Variants in FZR1 observed in about 807,000 individuals in gnomAD.
FZR1 encodes fizzy-related protein homolog.
In FZR1, 11 loss-of-function variants were observed where a neutral mutation model predicts 63.6. That is an observed-to-expected ratio of 0.17 (90% CI 0.11 to 0.29). The LOEUF (loss-of-function observed/expected upper bound fraction) is 0.29, where lower values mean the gene tolerates loss of function less well. Among genes scored for constraint, FZR1 ranks in the 10% least tolerant of loss-of-function variants. FZR1 has a pLI of 1.00. For missense variants in FZR1, 440 were observed against 687.5 expected (o/e 0.64, Z 4.03); for synonymous variants, 328 against 297.9 (o/e 1.10, Z -1.04).
Position 3,525,432 on chromosome 19 carries a change from C to CTTTTTTTTTTTTT in FZR1, c.70-420_70-408dup, listed in dbSNP as rs57486013. 1.5e-4 allele frequency among the ~76,000 whole-genome samples: 10 copies of CTTTTTTTTTTTTT among 68,742 alleles called. No individual in the cohort carries two copies. The highest frequency in any genetic ancestry group is 6.0e-4 in the African/African-American group (10 of 16,546). The allele number at this position is 68,742 out of a possible 152,430, so 45.1% of individuals were successfully genotyped here. A position where few individuals can be genotyped will look rare whatever the true frequency, so the allele number is the denominator to read the frequency against. On this transcript the variant is annotated intron_variant, in intron 2 of 13. Coordinates refer to ENST00000441788, the MANE Select transcript of FZR1 (RefSeq NM_016263.4). This position sits in a 1 kb window ranked among gnomAD's most constrained non-coding sequence, Gnocchi z 4.2. Reference sequence around the variant, plus strand: ...TGTGTGGCTCCCCTCCTTGGGTTTTCTTTTTTTTTTTTTTTTTTTTTTTTT... The same window carrying CTTTTTTTTTTTTT: ...TGTGTGGCTCCCCTCCTTGGGTTTTCTTTTTTTTTTTTTTTTTTTTTTTTTTTTTTTTTTTTTT...
Position 3,526,994 on chromosome 19 carries a change from C to T in FZR1, c.402C>T (p.Thr134=), listed in dbSNP as rs771104959. Residue 134 remains threonine, a synonymous_variant, in exon 6 of 14, where the codon ACC becomes ACT. Coordinates refer to ENST00000441788, the MANE Select transcript of FZR1 (RefSeq NM_016263.4). The surrounding 1 kb of genome is among the most constrained non-coding windows in gnomAD (Gnocchi z 5.4). ...KKGLFTYSLS[T]KRSSPDDGND... The stretch of plus-strand genomic sequence containing the variant: ...CCGCTCCACAGTATTCCCTTAGCAC[C>T]AAGCGCTCCAGCCCCGATGACGGCA... 1 of 1,611,870 alleles carries T rather than the reference C, an allele frequency of 6.2e-7. No individual in the cohort carries two copies. Among genetic ancestry groups the T allele is most frequent in the East Asian group, 2.2e-5 (1 of 44,870 alleles).
Position 3,526,878 on chromosome 19 carries a change from GCCTT to G in FZR1, c.388-101_388-98del. On this transcript the variant is annotated intron_variant, in intron 5 of 13. Coordinates refer to ENST00000441788, the MANE Select transcript of FZR1 (RefSeq NM_016263.4). The surrounding 1 kb of genome is among the most constrained non-coding windows in gnomAD (Gnocchi z 5.4). ...TGCTCCACACAGGGTCTCAGCACCT[GCCTT>G]AGGGCTATGAGCTGTACCGGGAGCG... 1 of 825,930 alleles carries G rather than the reference GCCTT, an allele frequency of 1.2e-6. No individual in the cohort carries two copies. The highest frequency in any genetic ancestry group is 1.7e-5 in the African/African-American group (1 of 60,096). The allele number at this position is 825,930 out of a possible 1,614,324, so 51.2% of individuals were successfully genotyped here.
At chr19:3,513,611 G>A (rs1264858910) in intron 1 of FZR1, among the ~76,000 whole-genome samples, 2 of 152,214 alleles carry the variant, frequency 1.3e-5, no homozygotes, top group Non-Finnish European at 2.9e-5. Flanking sequence ...CCAGCTGGTA[G>A]GCACGGGCAA....
intron 12 of FZR1, chr19:3,534,136 C>T: frequency 3.2e-6 from 1 of 315,170 alleles, no homozygotes; most frequent in Non-Finnish European, 5.9e-6. Flanking sequence ...GGGAGGATCA[C>T]CTGAGCCCAG....
At position 3,522,943 on chromosome 19, in the gene FZR1, CT is replaced by C; in HGVS notation, c.-34-11del. 7.1e-7 allele frequency: 1 copy of C among 1,406,264 alleles called. No individual in the cohort carries two copies. The highest frequency in any genetic ancestry group is 1.0e-6 in the Non-Finnish European group (1 of 991,518). 87.1% of individuals were successfully genotyped at this position (1,406,264 alleles called of 1,614,324 possible). A position where few individuals can be genotyped will look rare whatever the true frequency, so the allele number is the denominator to read the frequency against. On this transcript the variant is annotated splice_polypyrimidine_tract_variant and intron_variant, in intron 1 of 13. Transcript: ENST00000441788. ...CCCTGCCCCACTCACCTCTCCTGCC[CT>C]TCCCGCTGCAGGCTAACCTTGCCGC...
rs2083041866 is a variant in FZR1, at chr19:3,514,111, T to G, written c.-35+7637T>G. 6.6e-6 allele frequency among the ~76,000 whole-genome samples: 1 copy of G among 152,088 alleles called. No individual in the cohort carries two copies. Among genetic ancestry groups the G allele is most frequent in the South Asian group, 2.1e-4 (1 of 4,828 alleles). The stretch of plus-strand genomic sequence containing the variant: ...CTTGGGGGCTTTGCATTGGTGCTGT[T>G]CCCAGGCCCTGTCTACACGGCAGAC... On this transcript the variant is annotated intron_variant, in intron 1 of 13. Coordinates refer to ENST00000441788, the MANE Select transcript of FZR1 (RefSeq NM_016263.4). This position sits in a 1 kb window ranked among gnomAD's most constrained non-coding sequence, Gnocchi z 4.2.
chr19:3,525,852 T>C lies in FZR1; in HGVS notation c.70-16T>C, dbSNP rs1049817236. 1 of 1,609,220 alleles carries C rather than the reference T, an allele frequency of 6.2e-7. No homozygotes were observed. The highest frequency in any genetic ancestry group is 8.5e-7 in the Non-Finnish European group (1 of 1,179,662). ...CTCTCGGTGCTGAGAGCAAGCCCTC[T>C]GCTGATGCCCTTCAGGTCACAGAGA... On this transcript the variant is annotated splice_polypyrimidine_tract_variant and intron_variant, in intron 2 of 13. Transcript: ENST00000441788. This position sits in a 1 kb window ranked among gnomAD's most constrained non-coding sequence, Gnocchi z 4.2.
At position 3,537,078 on chromosome 19, in the gene FZR1, A is replaced by AC. The variant is rs1184165481; in HGVS notation, c.*2247dup. 1.3e-5 allele frequency: 2 copies of AC among 152,260 alleles called. No homozygotes were observed. Among genetic ancestry groups the AC allele is most frequent in the Non-Finnish European group, 2.9e-5 (2 of 68,132 alleles). The allele number at this position is 152,260 out of a possible 1,614,324, so 9.4% of individuals were successfully genotyped here. On this transcript the variant is annotated 3_prime_UTR_variant, in exon 14 of 14. Transcript: ENST00000441788. The stretch of plus-strand genomic sequence containing the variant: ...GGGTGGGCACTGCTGGGCTGAGTTC[A>AC]CCCCCAGGGCTGGCCAGATGGGGCC...
chr19:3,529,099 T>TGAGCGGATGGGAGAGCGGATGGGA (rs1211015129), intron 7 of FZR1, among the ~76,000 whole-genome samples: 4 of 46,586 alleles, frequency 8.6e-5, no homozygotes, highest in Non-Finnish European at 1.6e-4. Flanking sequence ...AGCAGACGGT[T>TGAGCGGATGGGAGAGCGGATGGGA]GAGCGGATGG....
At chr19:3,517,773 T>C (rs556419689) in intron 1 of FZR1, among the ~76,000 whole-genome samples, 2 of 152,116 alleles carry the variant, frequency 1.3e-5, no homozygotes, top group East Asian at 1.9e-4. Flanking sequence ...TGGAAATGAA[T>C]TGCATCACCA....
intron 10 of FZR1, 89 bp from the exon 11 acceptor site, chr19:3,532,328 G>A: frequency 9.7e-7 from 1 of 1,031,706 alleles, no homozygotes; most frequent in Non-Finnish European, 1.4e-6. Context: ...GTGGGGTGGG[G>A]TGCCAGGGCA....
rs142885173 is a variant in FZR1 at position 3,526,161 on chromosome 19, C to T, written c.237C>T (p.Asp79=). 49 of 1,612,800 alleles carry T rather than the reference C, an allele frequency of 3.0e-5. No individual in the cohort carries two copies. The highest frequency in any genetic ancestry group is 9.3e-5 in the African/African-American group (7 of 74,920). The stretch of plus-strand genomic sequence containing the variant: ...CCAGTCAGAACCGGAAAGCCAAGGA[C>T]GCCACCTCAGACAACGGCAAAGGTT... ...KSPSQNRKAK[D]ATSDNGKDGL... Residue 79 remains aspartate (D), a synonymous_variant, in exon 4 of 14, where the codon GAC becomes GAT. Coordinates refer to ENST00000441788, the MANE Select transcript of FZR1 (RefSeq NM_016263.4). This position sits in a 1 kb window ranked among gnomAD's most constrained non-coding sequence, Gnocchi z 5.4.
chr19:3,518,707 G>A (rs1257462721), intron 1 of FZR1, among the ~76,000 whole-genome samples: 1 of 152,292 alleles, frequency 6.6e-6, no homozygotes, highest in Non-Finnish European at 1.5e-5. Flanking sequence ...TTTTACAAAT[G>A]TACTTCCTTT....
chr19:3,511,910 G>C (rs1383166561), intron 1 of FZR1, among the ~76,000 whole-genome samples: 1 of 152,186 alleles, frequency 6.6e-6, no homozygotes, highest in Non-Finnish European at 1.5e-5. Flanking sequence ...TTCTTCTGCA[G>C]GTGGGGGTTG....
intron 7 of FZR1, 79 bp downstream of exon 7, chr19:3,527,893 A>G (rs942028267): frequency 8.5e-7 from 1 of 1,175,682 alleles, no homozygotes. Context: ...ACCGGGATCC[A>G]GGGAGCATCA....
intron 7 of FZR1, among the ~76,000 whole-genome samples, chr19:3,528,780 T>C: frequency 1.0e-5 from 1 of 99,680 alleles, no homozygotes; most frequent in East Asian, 2.4e-4. Flanking sequence ...CGTGGATGGG[T>C]GCGTGGATGG....
chr19:3,527,105 C>G, intron 6 of FZR1, 43 bp downstream of exon 6: 2 of 1,442,880 alleles, frequency 1.4e-6, no homozygotes, highest in Non-Finnish European at 9.7e-7. Flanking sequence ...CTCCCTGTCT[C>G]CCGTCAGCAG....
In FZR1 at chr19:3,536,710, TC is replaced by T. The variant is rs1170528189; in HGVS notation, c.*1875del. 1 of 152,240 alleles carries T rather than the reference TC, an allele frequency of 6.6e-6. No individual in the cohort carries two copies. The highest frequency in any genetic ancestry group is 2.4e-5 in the African/African-American group (1 of 41,446). 9.4% of individuals were successfully genotyped at this position (152,240 alleles called of 1,614,324 possible). ...TCCCAGGACAGACCAGCCTTGTTTC[TC>T]ATGTAATGCAGTGACGCTGTCATTA... is the stretch of plus-strand genomic sequence containing the variant. On this transcript the variant is annotated 3_prime_UTR_variant, in exon 14 of 14. Coordinates refer to ENST00000441788, the MANE Select transcript of FZR1 (RefSeq NM_016263.4).
intron 12 of FZR1, 77 bp from the exon 13 acceptor site, chr19:3,534,344 C>T: frequency 2.5e-6 from 2 of 790,890 alleles, no homozygotes; most frequent in East Asian, 2.8e-5. Context: ...CCTTGCTCCC[C>T]TCTCCTTCAG....
Sources: gnomAD v4.1 joint callset for allele counts (sites outside exome capture counted in the v4.1 genomes callset) on GRCh38, gnomAD v4.1.1 for gene constraint, Gnocchi (gnomAD v3.1) non-coding constraint, MANE v1.5 for transcripts, NCBI Gene and HGNC (gene_info 2026-07-23, HGNC 2026-07-21) for gene names.